STXBP5L: variants seen among roughly 807,000 people sequenced by gnomAD.
STXBP5L encodes the protein syntaxin binding protein 5L.
A neutral mutation model predicts 144.5 loss-of-function variants in STXBP5L; 65 were observed. That is an observed-to-expected ratio of 0.45 (90% CI 0.37 to 0.55). The LOEUF (loss-of-function observed/expected upper bound fraction) is 0.55. STXBP5L is among the 20% of genes least tolerant of loss of function. The pLI is 0.00. For synonymous variants in STXBP5L, 505 were observed against 469.6 expected (o/e 1.08, Z -0.97); for missense variants, 1,298 against 1,405.5 (o/e 0.92, Z 1.22).
chr3:121,248,316 G>A (rs2049922318), intron 14 of STXBP5L, among the ~76,000 whole-genome samples: 1 of 152,034 alleles, frequency 6.6e-6, no homozygotes, highest in African/African-American at 2.4e-5. Context: ...TGCTGGCCTC[G>A]GCCTCCCAAA....
intron 3 of STXBP5L, among the ~76,000 whole-genome samples, chr3:121,040,452 G>A (rs1386716348): frequency 6.6e-6 from 1 of 151,810 alleles, no homozygotes; most frequent in Admixed American, 6.6e-5. Context: ...CTTTATTTTT[G>A]GTTTGTTTTC....
chr3:121,328,711 C>T (rs376420252), intron 20 of STXBP5L, among the ~76,000 whole-genome samples: 37 of 152,000 alleles, frequency 2.4e-4, no homozygotes, highest in African/African-American at 8.9e-4. Flanking sequence ...GATCGCACCA[C>T]TGCACTCCAG....
intron 3 of STXBP5L, among the ~76,000 whole-genome samples, chr3:120,984,502 A>G (rs1296716096): frequency 2.0e-5 from 3 of 151,060 alleles, no homozygotes; most frequent in Non-Finnish European, 2.9e-5. Flanking sequence ...TTCATTTATT[A>G]GTTCTAACGG....
At chr3:121,296,923 G>T (rs993020018) in intron 19 of STXBP5L, among the ~76,000 whole-genome samples, 1 of 152,138 alleles carries the variant, frequency 6.6e-6, no homozygotes, top group Admixed American at 6.5e-5. Context: ...CAGTCTTAAT[G>T]TGCTGTATTC....
chr3:121,063,135 C>G (rs564120542), intron 5 of STXBP5L, among the ~76,000 whole-genome samples: 11 of 152,296 alleles, frequency 7.2e-5, no homozygotes, highest in African/African-American at 2.2e-4. Context: ...TTCTCCCCAT[C>G]TTTGTGGATT....
At chr3:121,093,949 C>T (rs2042970027) in intron 5 of STXBP5L, among the ~76,000 whole-genome samples, 1 of 152,026 alleles carries the variant, frequency 6.6e-6, no homozygotes, top group African/African-American at 2.4e-5. Context: ...TTAAATGTGT[C>T]CCGGAGATTC....
intron 3 of STXBP5L, among the ~76,000 whole-genome samples, chr3:121,037,023 C>G (rs1946808220): frequency 6.6e-6 from 1 of 151,974 alleles, no homozygotes; most frequent in Non-Finnish European, 1.5e-5. Flanking sequence ...AACTCCTGGG[C>G]TCAGGCAATC....
chr3:121,041,164 T>A (rs1947125523), intron 3 of STXBP5L, among the ~76,000 whole-genome samples: 1 of 152,036 alleles, frequency 6.6e-6, no homozygotes, highest in South Asian at 2.1e-4. Flanking sequence ...ATTTTCCAGT[T>A]TTCTCGTTTT....
At chr3:121,334,807 T>C (rs2108567165) in intron 20 of STXBP5L, among the ~76,000 whole-genome samples, 1 of 152,262 alleles carries the variant, frequency 6.6e-6, no homozygotes, top group Middle Eastern at 3.4e-3. Context: ...TGAAGGAATA[T>C]AGCTCAAAAT....
intron 20 of STXBP5L, among the ~76,000 whole-genome samples, chr3:121,342,709 T>G (rs9845877): frequency 0.78 from 116,720 of 148,700 alleles, 46,082 homozygotes; most frequent in East Asian, 0.93. Context: ...GTATACCATG[T>G]TGTATATGTG....
intron 25 of STXBP5L, among the ~76,000 whole-genome samples, chr3:121,417,930 C>CAA (rs1651403873): frequency 6.6e-6 from 1 of 152,154 alleles, no homozygotes; most frequent in African/African-American, 2.4e-5. Flanking sequence ...CTGTGGCCTA[C>CAA]AAAGGCTTAT....
chr3:121,164,629 A>T (rs1332005681), intron 9 of STXBP5L, among the ~76,000 whole-genome samples: 1 of 152,210 alleles, frequency 6.6e-6, no homozygotes, highest in Non-Finnish European at 1.5e-5. Context: ...CAAGATATGG[A>T]AACAGCCTAA....
At chr3:120,977,715 C>T (rs1020294658) in intron 3 of STXBP5L, among the ~76,000 whole-genome samples, 2 of 152,148 alleles carry the variant, frequency 1.3e-5, no homozygotes, top group Non-Finnish European at 1.5e-5. Context: ...GTGCTTCCTT[C>T]AGGAGCTCTT....
At chr3:121,391,857 G>T (rs1441229231) in intron 22 of STXBP5L, among the ~76,000 whole-genome samples, 4 of 152,188 alleles carry the variant, frequency 2.6e-5, no homozygotes, top group Non-Finnish European at 4.4e-5. Flanking sequence ...TCTACATGGG[G>T]TTCAGGGACC....
chr3:121,033,654 A>G (rs1489653391), intron 3 of STXBP5L, among the ~76,000 whole-genome samples: 1 of 151,846 alleles, frequency 6.6e-6, no homozygotes, highest in African/African-American at 2.4e-5. Context: ...TTGGTGTTAA[A>G]CCAATACATT....
intron 5 of STXBP5L, 48 bp from the exon 6 acceptor site, chr3:121,114,877 A>G (rs1199801636): frequency 3.8e-6 from 5 of 1,330,984 alleles, no homozygotes; most frequent in Non-Finnish European, 5.0e-6. Context: ...TATAATGCTG[A>G]CCAAATGTAA....
intron 22 of STXBP5L, among the ~76,000 whole-genome samples, chr3:121,388,616 T>C (rs2046490417): frequency 6.6e-6 from 1 of 152,322 alleles, no homozygotes; most frequent in Middle Eastern, 3.4e-3. Context: ...CTGTTGAATT[T>C]TGTTGAAGGC....
At chr3:121,108,102 A>C (rs1390157223) in intron 5 of STXBP5L, among the ~76,000 whole-genome samples, 2 of 152,100 alleles carry the variant, frequency 1.3e-5, no homozygotes, top group Non-Finnish European at 2.9e-5. Flanking sequence ...TCAGCTTAAG[A>C]AGCTTTTAGG....
chr3:121,149,471 A>G (rs1414224194), intron 7 of STXBP5L, among the ~76,000 whole-genome samples: 1 of 152,008 alleles, frequency 6.6e-6, no homozygotes, highest in Admixed American at 6.6e-5. Flanking sequence ...CTCTAGGATG[A>G]TTTTTAGCAA....
Sources: gnomAD v4.1 joint callset for allele counts (sites outside exome capture counted in the v4.1 genomes callset) on GRCh38, gnomAD v4.1.1 for gene constraint, MANE v1.5 for transcripts, NCBI Gene and HGNC (gene_info 2026-07-23, HGNC 2026-07-21) for gene names.